P2RY8: variants seen among roughly 807,000 people sequenced by gnomAD.
The protein encoded by P2RY8 is P2Y receptor family member 8, also known as S-geranylgeranyl-glutathione receptor P2RY8.
A neutral mutation model predicts 10.0 loss-of-function variants in P2RY8; 6 were observed. The observed-to-expected ratio is 0.60, with a 90% CI of 0.33 to 1.19. The LOEUF is 1.19. Ranked by LOEUF, P2RY8 falls within the 50% of genes most tolerant of loss-of-function variation. The pLI is 0.04. For synonymous variants in P2RY8, 276 were observed against 252.5 expected, an observed-to-expected ratio of 1.09 and a Z score of -0.88; for missense variants, 456 against 542.0, an observed-to-expected ratio of 0.84 and a Z score of 1.58.
intron 1 of P2RY8, among the ~76,000 whole-genome samples, chrX:1,505,137 C>CAAAAAAAAAA (rs1175803425): frequency 2.0e-5 from 2 of 99,708 alleles, no homozygotes; most frequent in African/African-American, 4.0e-5. Context: ...GACTCTGTCT[C>CAAAAAAAAAA]AAAAAAAAAA....
At chrX:1,493,744 T>C (rs770916193) in intron 1 of P2RY8, among the ~76,000 whole-genome samples, 1 of 152,124 alleles carries the variant, frequency 6.6e-6, no homozygotes, top group East Asian at 1.9e-4. Context: ...AAAGGAACAA[T>C]TGGCTTGCAA....
chrX:1,475,204 T>C (rs1289585860), intron 1 of P2RY8, among the ~76,000 whole-genome samples: 4 of 147,884 alleles, frequency 2.7e-5, no homozygotes, highest in African/African-American at 7.6e-5. Context: ...GATGGGCAGA[T>C]GTATGGATGG....
At chrX:1,530,068 C>T (rs764291720) in intron 1 of P2RY8, among the ~76,000 whole-genome samples, 1 of 151,488 alleles carries the variant, frequency 6.6e-6, no homozygotes, top group South Asian at 2.1e-4. Flanking sequence ...AATCTCTCCT[C>T]TCTCTCTCTC....
At position 1,503,572 on chromosome X, in the gene P2RY8, C is replaced by G. The variant is rs758004500; in HGVS notation, c.-25+33349G>C. On this transcript the variant is annotated intron_variant, in intron 1 of 1. Coordinates refer to ENST00000381297, the MANE Select transcript of P2RY8 (RefSeq NM_178129.5). Reference sequence around the variant, plus strand: ...GGTCAGGAGTTCGAGACCAGCCTGGCCAACGTGGTAAACCCCGTCTCTACT... The same window carrying G: ...GGTCAGGAGTTCGAGACCAGCCTGGGCAACGTGGTAAACCCCGTCTCTACT... Among the ~76,000 whole-genome samples the G allele has an allele frequency of 5.9e-5, 9 of 152,124 alleles. No homozygotes were observed. The East Asian group carries it at 1.7e-3, about 29-fold the overall frequency.
chrX:1,527,941 C>G (rs371453478), intron 1 of P2RY8, among the ~76,000 whole-genome samples: 3 of 152,292 alleles, frequency 2.0e-5, no homozygotes, highest in African/African-American at 7.2e-5. Flanking sequence ...CTACAGGGAC[C>G]CTGCTCATTC....
chrX:1,511,805 G>A (rs1408734357), intron 1 of P2RY8, among the ~76,000 whole-genome samples: 8 of 152,198 alleles, frequency 5.3e-5, no homozygotes, highest in African/African-American at 1.9e-4. Flanking sequence ...GATTCTCTTA[G>A]CTGTCTGTTG....
At chrX:1,497,839 A>G in intron 1 of P2RY8, among the ~76,000 whole-genome samples, 1 of 151,748 alleles carries the variant, frequency 6.6e-6, no homozygotes, top group East Asian at 1.9e-4. Flanking sequence ...ACCGGCTTGG[A>G]GGCCTGTGGG....
At chrX:1,515,946 T>TGGGG (rs533655818) in intron 1 of P2RY8, among the ~76,000 whole-genome samples, 52 of 77,878 alleles carry the variant, frequency 6.7e-4, no homozygotes, top group African/African-American at 2.2e-3. Flanking sequence ...GGCCGAGGGG[T>TGGGG]CGGGGGGTGG....
intron 1 of P2RY8, among the ~76,000 whole-genome samples, chrX:1,482,293 GA>G (rs770409627): frequency 0.19 from 24,585 of 129,634 alleles, 2,229 homozygotes; most frequent in Non-Finnish European, 0.23. Context: ...GCCATTTGGT[GA>G]AAAAAAAAAA....
At chrX:1,473,660 G>GTGTT (rs2091830051) in intron 1 of P2RY8, among the ~76,000 whole-genome samples, 11 of 110,300 alleles carry the variant, frequency 1.0e-4, no homozygotes, top group Admixed American at 3.8e-4. Context: ...GGATTGATGG[G>GTGTT]TAGATGGATG....
At chrX:1,504,725 G>A (rs867542165) in intron 1 of P2RY8, among the ~76,000 whole-genome samples, 2 of 152,256 alleles carry the variant, frequency 1.3e-5, no homozygotes, top group Middle Eastern at 3.4e-3. Context: ...TGTGGCTCAC[G>A]CCTGTAATCC....
intron 1 of P2RY8, among the ~76,000 whole-genome samples, chrX:1,498,287 T>G (rs1177840552): frequency 6.7e-6 from 1 of 149,032 alleles, no homozygotes; most frequent in African/African-American, 2.5e-5. Context: ...GTGCCTGTAG[T>G]CCCAGCTACT....
intron 1 of P2RY8, among the ~76,000 whole-genome samples, chrX:1,507,663 C>A (rs751433025): frequency 2.0e-5 from 3 of 152,120 alleles, no homozygotes; most frequent in Admixed American, 6.5e-5. Flanking sequence ...CTCCTGTTGG[C>A]GACGCGCGAT....
At chrX:1,519,349 T>A (rs2092374376) in intron 1 of P2RY8, among the ~76,000 whole-genome samples, 1 of 149,608 alleles carries the variant, frequency 6.7e-6, no homozygotes. Context: ...TCTCCAATCA[T>A]CTTTCTGATT....
intron 1 of P2RY8, among the ~76,000 whole-genome samples, chrX:1,505,434 C>T (rs185123452): frequency 4.7e-4 from 71 of 152,324 alleles, no homozygotes; most frequent in Non-Finnish European, 7.2e-4. Context: ...AATGGAACCA[C>T]TCCACATGGA....
chrX:1,471,477 T>G (rs1400339814), intron 1 of P2RY8, among the ~76,000 whole-genome samples: 21 of 135,676 alleles, frequency 1.5e-4, no homozygotes, highest in Non-Finnish European at 2.9e-4. Context: ...TTTTTTTTTT[T>G]AATAATTTTA....
At chrX:1,535,750 C>A (rs1472178220) in intron 1 of P2RY8, among the ~76,000 whole-genome samples, 3 of 150,964 alleles carry the variant, frequency 2.0e-5, no homozygotes, top group Non-Finnish European at 4.4e-5. Flanking sequence ...CACACACACA[C>A]AAACCCTTTT....
intron 1 of P2RY8, among the ~76,000 whole-genome samples, chrX:1,507,682 C>T (rs2092247846): frequency 6.6e-6 from 1 of 152,150 alleles, no homozygotes; most frequent in African/African-American, 2.4e-5. Flanking sequence ...ATTTCCGCCC[C>T]CCTGCCTGAC....
Position 1,462,977 on chromosome X carries a change from CA to C in P2RY8, c.*2501del, listed in dbSNP as rs60116199. On this transcript the variant is annotated 3_prime_UTR_variant, in exon 2 of 2. Coordinates refer to ENST00000381297, the MANE Select transcript of P2RY8 (RefSeq NM_178129.5). Reference sequence around the variant, plus strand: ...GTGGCTGCAAAAATCATCATACTGACAAAAAAAAAAAATCGACGCATTTTGC... The same window carrying C: ...GTGGCTGCAAAAATCATCATACTGACAAAAAAAAAAATCGACGCATTTTGC... 146,302 of 213,678 alleles carry C rather than the reference CA, an allele frequency of 0.68. 47,596 individuals carry two copies. Among genetic ancestry groups the C allele is most frequent in the South Asian group, 0.79 (4,156 of 5,234 alleles). The allele number at this position is 213,678 out of a possible 1,614,324, so 13.2% of individuals were successfully genotyped here. A position where few individuals can be genotyped will look rare whatever the true frequency, so the allele number is the denominator to read the frequency against.
Sources: gnomAD v4.1 joint callset for allele counts (sites outside exome capture counted in the v4.1 genomes callset) on GRCh38, gnomAD v4.1.1 for gene constraint, MANE v1.5 for transcripts, NCBI Gene and HGNC (gene_info 2026-07-23, HGNC 2026-07-21) for gene names.